Variants in SPATA7 observed in about 807,000 individuals in gnomAD.
SPATA7 encodes the protein spermatogenesis associated 7, also known as spermatogenesis-associated protein 7.
Under a neutral mutation model 51.8 loss-of-function variants are expected in SPATA7, and 43 were observed. The ratio of observed to expected loss-of-function variants is 0.83; its 90% confidence interval spans 0.65 to 1.07. SPATA7 has a LOEUF of 1.07. SPATA7 is among the 50% of genes least tolerant of loss of function. The pLI, the probability that SPATA7 is intolerant of heterozygous loss-of-function variation, is 0.00. For synonymous variants in SPATA7, 230 were observed against 252.8 expected (o/e 0.91, Z 0.86); for missense variants, 683 against 701.3 (o/e 0.97, Z 0.30).
At chr14:88,441,513 A>AT (rs150503925), downstream of SPATA7, among the ~76,000 whole-genome samples, 1 of 151,912 alleles carries the variant, frequency 6.6e-6, no homozygotes, top group South Asian at 2.1e-4. Context: ...AATATCTACT[A>AT]TTTTTTTATT....
intron 3 of SPATA7, among the ~76,000 whole-genome samples, chr14:88,449,673 G>C (rs2077237614): frequency 1.3e-5 from 2 of 152,106 alleles, no homozygotes. Context: ...TGTCAGTGGA[G>C]TATTGAAGTC....
chr14:88,458,188 CT>C (rs1244485889), downstream of SPATA7, among the ~76,000 whole-genome samples: 3 of 152,074 alleles, frequency 2.0e-5, no homozygotes, highest in Admixed American at 2.0e-4. Context: ...CTAAAATTCT[CT>C]TTTTTTGTTG....
downstream of SPATA7, among the ~76,000 whole-genome samples, chr14:88,458,583 T>C (rs2077299326): frequency 6.6e-6 from 1 of 150,376 alleles, no homozygotes; most frequent in Admixed American, 6.6e-5. Flanking sequence ...CCCTTCATCA[T>C]TTTTTTATTG....
At chr14:88,460,888 A>T (rs2077313094) in intron 4 of SPATA7, among the ~76,000 whole-genome samples, 1 of 152,010 alleles carries the variant, frequency 6.6e-6, no homozygotes, top group Non-Finnish European at 1.5e-5. Context: ...TGGGGTTTTG[A>T]TGTGGATGTC....
At chr14:88,462,701 T>A (rs1449061358) in intron 4 of SPATA7, among the ~76,000 whole-genome samples, 1 of 152,210 alleles carries the variant, frequency 6.6e-6, no homozygotes, top group African/African-American at 2.4e-5. Flanking sequence ...GCCAAGGGAT[T>A]TTACAGATTT....
intron 1 of SPATA7, among the ~76,000 whole-genome samples, chr14:88,386,476 T>C (rs2075580097): frequency 6.6e-6 from 1 of 152,110 alleles, no homozygotes; most frequent in East Asian, 1.9e-4. Context: ...GATTTTGCAT[T>C]TATAATAAAT....
downstream of SPATA7, among the ~76,000 whole-genome samples, chr14:88,442,558 TG>T (rs1223409544): frequency 6.6e-6 from 1 of 152,196 alleles, no homozygotes; most frequent in African/African-American, 2.4e-5. Flanking sequence ...ATGTGATTTT[TG>T]TTTTTAATTC....
intron 8 of SPATA7, 46 bp downstream of exon 8, chr14:88,429,509 T>A (rs771300425): frequency 8.1e-7 from 1 of 1,227,474 alleles, no homozygotes; most frequent in Non-Finnish European, 1.2e-6. Flanking sequence ...TTTAATTGCC[T>A]TCTTGTATAA....
intron 4 of SPATA7, among the ~76,000 whole-genome samples, chr14:88,404,950 C>A (rs2076165337): frequency 6.6e-6 from 1 of 151,700 alleles, no homozygotes; most frequent in Non-Finnish European, 1.5e-5. Context: ...AGAAGACAAA[C>A]AATAAGCAAA....
intron 4 of SPATA7, among the ~76,000 whole-genome samples, chr14:88,410,420 G>GT: frequency 6.6e-6 from 1 of 151,812 alleles, no homozygotes; most frequent in South Asian, 2.1e-4. Context: ...CAACCCCTGC[G>GT]TTTTTTGTTC....
At chr14:88,402,331 A>G (rs572192224) in intron 4 of SPATA7, among the ~76,000 whole-genome samples, 4 of 143,724 alleles carry the variant, frequency 2.8e-5, no homozygotes, top group Admixed American at 6.8e-5. Flanking sequence ...AAGACCACAA[A>G]TAAAACAATC....
intron 4 of SPATA7, chr14:88,468,264 A>G (rs1472172873): frequency 1.3e-6 from 2 of 1,595,580 alleles, no homozygotes; most frequent in Non-Finnish European, 1.7e-6. Context: ...GATGTCCAGC[A>G]CCTAGGTTGA....
intron 3 of SPATA7, among the ~76,000 whole-genome samples, chr14:88,449,313 C>T (rs1207503436): frequency 6.6e-6 from 1 of 152,126 alleles, no homozygotes; most frequent in Admixed American, 6.5e-5. Context: ...TAATTTCCAT[C>T]TTGATTTCAT....
intron 5 of SPATA7, among the ~76,000 whole-genome samples, chr14:88,419,591 A>G (rs1334462124): frequency 1.3e-5 from 2 of 149,128 alleles, no homozygotes; most frequent in African/African-American, 5.0e-5. Context: ...CAGTGGCGCT[A>G]TCTTGGCTCA....
chr14:88,409,483 C>A (rs751103737), intron 4 of SPATA7, among the ~76,000 whole-genome samples: 3 of 151,594 alleles, frequency 2.0e-5, no homozygotes, highest in Non-Finnish European at 4.4e-5. Flanking sequence ...TCTCTATTTT[C>A]TTCTTTATTA....
intron 4 of SPATA7, among the ~76,000 whole-genome samples, chr14:88,400,823 G>C (rs574218134): frequency 1.3e-5 from 2 of 151,266 alleles, no homozygotes; most frequent in Middle Eastern, 3.4e-3. Context: ...TGACAGAATG[G>C]GATAAAATCT....
chr14:88,399,534 G>A (rs2075999336), intron 4 of SPATA7, among the ~76,000 whole-genome samples: 2 of 152,126 alleles, frequency 1.3e-5, no homozygotes, highest in African/African-American at 4.8e-5. Flanking sequence ...TGAAATGAAA[G>A]GTAATTAGAT....
chr14:88,426,169 T>C (rs555013635), intron 5 of SPATA7, 63 bp from the exon 6 acceptor site: 1 of 1,228,268 alleles, frequency 8.1e-7, no homozygotes, highest in Non-Finnish European at 1.2e-6. Flanking sequence ...ATGTATAATC[T>C]CAAAATCCCC....
chr14:88,451,449 G>A (rs1028076782), intron 3 of SPATA7, among the ~76,000 whole-genome samples: 2 of 151,848 alleles, frequency 1.3e-5, no homozygotes, highest in East Asian at 1.9e-4. Flanking sequence ...GATTGCAGGC[G>A]TGAGCCACTG....
Sources: allele counts gnomAD v4.1 joint callset (sites outside exome capture counted in the v4.1 genomes callset), GRCh38; gene constraint gnomAD v4.1.1; transcripts MANE v1.5; gene names NCBI Gene and HGNC (gene_info 2026-07-23, HGNC 2026-07-21).